NKAIN2: variants seen among roughly 807,000 people sequenced by gnomAD.
The protein encoded by NKAIN2 is sodium/potassium transporting ATPase interacting 2.
Under a neutral mutation model 32.6 loss-of-function variants are expected in NKAIN2, and 14 were observed. That is an observed-to-expected ratio of 0.43 (90% CI 0.28 to 0.67). The LOEUF (loss-of-function observed/expected upper bound fraction) is 0.67. Among genes scored for constraint, NKAIN2 ranks in the 30% least tolerant of loss-of-function variants. The pLI, the probability that NKAIN2 is intolerant of heterozygous loss-of-function variation, is 0.17. For synonymous variants in NKAIN2, 80 were observed against 87.2 expected (o/e 0.92, Z 0.46); for missense variants, 198 against 258.3 (o/e 0.77, Z 1.60).
chr6:124,077,711 C>T (rs568613195), intron 1 of NKAIN2, among the ~76,000 whole-genome samples: 126 of 152,032 alleles, frequency 8.3e-4, no homozygotes, highest in African/African-American at 3.0e-3. Flanking sequence ...ATCCTCTAGC[C>T]TCAGCCTGCC....
At chr6:123,879,057 A>C (rs1011073149) in intron 1 of NKAIN2, among the ~76,000 whole-genome samples, 6 of 152,182 alleles carry the variant, frequency 3.9e-5, no homozygotes, top group Non-Finnish European at 7.3e-5. Flanking sequence ...TTAACCTCTA[A>C]GGCTTAGAAA....
chr6:124,732,379 A>C (rs1444883562), intron 4 of NKAIN2, among the ~76,000 whole-genome samples: 18 of 152,090 alleles, frequency 1.2e-4, no homozygotes, highest in Admixed American at 1.2e-3. Flanking sequence ...GAAGTTAGCA[A>C]AGGCTAAGGC....
At chr6:124,657,263 G>A (rs1274568967) in intron 3 of NKAIN2, among the ~76,000 whole-genome samples, 3 of 152,200 alleles carry the variant, frequency 2.0e-5, no homozygotes, top group Non-Finnish European at 4.4e-5. Flanking sequence ...GAAACTGATA[G>A]AGTGCAATTT....
At chr6:123,895,926 T>G (rs1281529075) in intron 1 of NKAIN2, among the ~76,000 whole-genome samples, 5 of 152,342 alleles carry the variant, frequency 3.3e-5, no homozygotes, top group African/African-American at 1.2e-4. Flanking sequence ...CACAATTTTT[T>G]TGTGTGTCTG....
intron 4 of NKAIN2, among the ~76,000 whole-genome samples, chr6:124,725,972 T>C (rs1285161626): frequency 6.6e-6 from 1 of 152,120 alleles, no homozygotes; most frequent in Non-Finnish European, 1.5e-5. Context: ...ATTGGGTCAC[T>C]CCCACCCGAA....
intron 1 of NKAIN2, among the ~76,000 whole-genome samples, chr6:124,171,603 G>C (rs2114502467): frequency 7.0e-6 from 1 of 143,094 alleles, no homozygotes; most frequent in African/African-American, 2.6e-5. Context: ...CCAGGCTGGA[G>C]TGCAGTGGTA....
intron 4 of NKAIN2, among the ~76,000 whole-genome samples, chr6:124,699,127 G>T (rs1289105796): frequency 6.6e-6 from 1 of 152,186 alleles, no homozygotes; most frequent in Admixed American, 6.5e-5. Flanking sequence ...TTACCTCTCA[G>T]AGTTCTGTAG....
chr6:124,285,506 A>G (rs1795496709), intron 2 of NKAIN2, among the ~76,000 whole-genome samples: 1 of 152,016 alleles, frequency 6.6e-6, no homozygotes, highest in Admixed American at 6.6e-5. Flanking sequence ...CAGTCCTCAA[A>G]AACAATTTCC....
chr6:124,484,321 A>G (rs1777569680), intron 3 of NKAIN2, among the ~76,000 whole-genome samples: 1 of 152,194 alleles, frequency 6.6e-6, no homozygotes, highest in African/African-American at 2.4e-5. Flanking sequence ...AACTGAGATT[A>G]TTTTGAAGAT....
chr6:123,838,633 G>T (rs768206500), intron 1 of NKAIN2, among the ~76,000 whole-genome samples: 5 of 152,236 alleles, frequency 3.3e-5, no homozygotes, highest in Non-Finnish European at 5.9e-5. Flanking sequence ...AAATAAATGT[G>T]CTTCAGGCAA....
At chr6:124,222,343 A>G (rs546002526) in intron 1 of NKAIN2, among the ~76,000 whole-genome samples, 1 of 152,228 alleles carries the variant, frequency 6.6e-6, no homozygotes, top group Non-Finnish European at 1.5e-5. Context: ...AACTAACCAA[A>G]TTAAATACAG....
At chr6:124,454,685 T>G (rs919993097) in intron 3 of NKAIN2, among the ~76,000 whole-genome samples, 1 of 151,996 alleles carries the variant, frequency 6.6e-6, no homozygotes, top group Non-Finnish European at 1.5e-5. Context: ...GCTTGGAAAT[T>G]TATTGAATTA....
At chr6:124,293,405 T>C (rs1419321805) in intron 2 of NKAIN2, among the ~76,000 whole-genome samples, 6 of 152,078 alleles carry the variant, frequency 3.9e-5, no homozygotes, top group Non-Finnish European at 5.9e-5. Context: ...TATAGCTTTT[T>C]ACTTGTAATA....
intron 1 of NKAIN2, among the ~76,000 whole-genome samples, chr6:123,838,111 A>G (rs1774707312): frequency 6.6e-6 from 1 of 152,134 alleles, no homozygotes; most frequent in Non-Finnish European, 1.5e-5. Context: ...CTAATACAAT[A>G]TTCTTAGAAA....
chr6:124,452,778 A>G (rs1022380945), intron 3 of NKAIN2, among the ~76,000 whole-genome samples: 2 of 152,174 alleles, frequency 1.3e-5, no homozygotes, highest in Non-Finnish European at 2.9e-5. Flanking sequence ...CTTGTTAGCC[A>G]TATTAATGTT....
intron 2 of NKAIN2, among the ~76,000 whole-genome samples, chr6:124,325,792 G>A (rs1797386481): frequency 6.6e-6 from 1 of 151,796 alleles, no homozygotes; most frequent in African/African-American, 2.4e-5. Context: ...TGATTATATG[G>A]GTTTATATAA....
intron 1 of NKAIN2, among the ~76,000 whole-genome samples, chr6:124,011,820 C>T (rs1037564281): frequency 2.0e-5 from 3 of 152,164 alleles, no homozygotes; most frequent in African/African-American, 7.2e-5. Context: ...CCACGAGACC[C>T]TTGCCATTCA....
At chr6:124,080,656 A>G (rs369232874) in intron 1 of NKAIN2, among the ~76,000 whole-genome samples, 14 of 152,244 alleles carry the variant, frequency 9.2e-5, no homozygotes, top group South Asian at 8.3e-4. Flanking sequence ...TAAACTGAGG[A>G]TAATTAGCAC....
intron 1 of NKAIN2, among the ~76,000 whole-genome samples, chr6:124,051,532 G>A (rs1326100424): frequency 6.6e-6 from 1 of 151,758 alleles, no homozygotes; most frequent in Non-Finnish European, 1.5e-5. Context: ...CCATTAACTC[G>A]TCATTTACAT....
Sources: allele counts gnomAD v4.1 joint callset (sites outside exome capture counted in the v4.1 genomes callset), GRCh38; gene constraint gnomAD v4.1.1; transcripts MANE v1.5; gene names NCBI Gene and HGNC (gene_info 2026-07-23, HGNC 2026-07-21).